The following HCN1 variants were observed in gnomAD, a reference collection of about 807,000 sequenced individuals.
HCN1 encodes the protein potassium/sodium hyperpolarization-activated cyclic nucleotide-gated channel 1.
In HCN1, 13 loss-of-function variants were observed where a neutral mutation model predicts 78.9. The ratio of observed to expected loss-of-function variants is 0.16; its 90% CI spans 0.11 to 0.26. The LOEUF is 0.26. HCN1 is among the 10% of genes least tolerant of loss of function. HCN1 has a pLI of 1.00. For synonymous variants in HCN1, 552 were observed against 455.5 expected (o/e 1.21, Z -2.70); for missense variants, 810 against 1,154.3 (o/e 0.70, Z 4.32).
At chr5:45,325,347 C>T (rs1746215176) in intron 5 of HCN1, among the ~76,000 whole-genome samples, 1 of 151,560 alleles carries the variant, frequency 6.6e-6, no homozygotes, top group Admixed American at 6.6e-5. Flanking sequence ...AACCAAGTCT[C>T]CTAGATTAAC....
chr5:45,641,173 A>C (rs898238487), intron 2 of HCN1, among the ~76,000 whole-genome samples: 1 of 152,168 alleles, frequency 6.6e-6, no homozygotes, highest in Non-Finnish European at 1.5e-5. Flanking sequence ...TTAAAAATAT[A>C]AAAGTAATTA....
chr5:45,339,529 C>T (rs576218713), intron 5 of HCN1, among the ~76,000 whole-genome samples: 1 of 152,236 alleles, frequency 6.6e-6, no homozygotes, highest in Admixed American at 6.5e-5. Flanking sequence ...TGAAGAGCCT[C>T]TGTGTCATAT....
intron 4 of HCN1, among the ~76,000 whole-genome samples, chr5:45,385,696 G>C (rs1362200015): frequency 6.6e-6 from 1 of 152,108 alleles, no homozygotes; most frequent in Non-Finnish European, 1.5e-5. Context: ...TTTAAAAACT[G>C]GGTGAAAAAT....
chr5:45,377,390 C>A (rs965850619), intron 4 of HCN1, among the ~76,000 whole-genome samples: 3 of 151,850 alleles, frequency 2.0e-5, no homozygotes, highest in Non-Finnish European at 4.4e-5. Context: ...TATTAATAAT[C>A]AAAACAAATG....
At chr5:45,588,186 C>A (rs1412402493) in intron 2 of HCN1, among the ~76,000 whole-genome samples, 1 of 151,826 alleles carries the variant, frequency 6.6e-6, no homozygotes, top group Non-Finnish European at 1.5e-5. Flanking sequence ...ATATATAATC[C>A]CCTATAGATA....
At chr5:45,513,674 A>G (rs1313964398) in intron 2 of HCN1, among the ~76,000 whole-genome samples, 3 of 152,164 alleles carry the variant, frequency 2.0e-5, no homozygotes, top group African/African-American at 7.2e-5. Flanking sequence ...TCTAGGTTGC[A>G]CGTTACCCTT....
At chr5:45,580,347 G>T (rs952631716) in intron 2 of HCN1, among the ~76,000 whole-genome samples, 1 of 152,002 alleles carries the variant, frequency 6.6e-6, no homozygotes, top group African/African-American at 2.4e-5. Context: ...AAAGTGAGGA[G>T]AATTTAAATT....
chr5:45,384,819 C>T (rs777196120), intron 4 of HCN1, among the ~76,000 whole-genome samples: 1 of 152,096 alleles, frequency 6.6e-6, no homozygotes, highest in Non-Finnish European at 1.5e-5. Flanking sequence ...AAGAATGCTG[C>T]TTTGTATCTT....
At chr5:45,527,628 T>G (rs1478188452) in intron 2 of HCN1, among the ~76,000 whole-genome samples, 1 of 151,626 alleles carries the variant, frequency 6.6e-6, no homozygotes, top group Non-Finnish European at 1.5e-5. Context: ...TCTCTCTCTC[T>G]GTCTCTCTCT....
chr5:45,409,722 G>C (rs1739990231), intron 3 of HCN1, among the ~76,000 whole-genome samples: 2 of 151,878 alleles, frequency 1.3e-5, no homozygotes, highest in Admixed American at 6.6e-5. Context: ...TTTTATGGTA[G>C]ACTGACTTTT....
At chr5:45,473,776 T>A (rs1038196437) in intron 2 of HCN1, among the ~76,000 whole-genome samples, 8 of 151,840 alleles carry the variant, frequency 5.3e-5, no homozygotes, top group African/African-American at 1.9e-4. Flanking sequence ...CACTGAAAAG[T>A]TACCTACATC....
At chr5:45,345,655 C>A (rs954044091) in intron 5 of HCN1, among the ~76,000 whole-genome samples, 2 of 152,174 alleles carry the variant, frequency 1.3e-5, no homozygotes, top group Non-Finnish European at 2.9e-5. Context: ...CTAACAAGAT[C>A]CTCATCTCCA....
chr5:45,569,311 TC>T (rs1222980949), intron 2 of HCN1, among the ~76,000 whole-genome samples: 1 of 152,182 alleles, frequency 6.6e-6, no homozygotes, highest in Non-Finnish European at 1.5e-5. Flanking sequence ...AAAGGAATTG[TC>T]CATGAACCTT....
intron 2 of HCN1, among the ~76,000 whole-genome samples, chr5:45,569,369 A>G (rs1252296573): frequency 6.6e-6 from 1 of 152,210 alleles, no homozygotes; most frequent in Non-Finnish European, 1.5e-5. Flanking sequence ...TAAATGTAAT[A>G]TTAAAGGTTT....
At chr5:45,319,070 C>T (rs1408082413) in intron 5 of HCN1, among the ~76,000 whole-genome samples, 2 of 152,054 alleles carry the variant, frequency 1.3e-5, no homozygotes, top group East Asian at 3.9e-4. Flanking sequence ...GGTTATACTA[C>T]AATTTATTTA....
intron 2 of HCN1, among the ~76,000 whole-genome samples, chr5:45,471,635 C>T (rs1232437956): frequency 6.6e-6 from 1 of 152,002 alleles, no homozygotes; most frequent in South Asian, 2.1e-4. Flanking sequence ...TATCTTATCC[C>T]TCCTGCTGAA....
intron 3 of HCN1, among the ~76,000 whole-genome samples, chr5:45,443,599 A>C (rs1740727290): frequency 6.6e-6 from 1 of 152,074 alleles, no homozygotes; most frequent in South Asian, 2.1e-4. Context: ...ATTTTCCATA[A>C]GTTTTTTGCA....
chr5:45,497,874 G>T (rs892251510), intron 2 of HCN1, among the ~76,000 whole-genome samples: 5 of 152,096 alleles, frequency 3.3e-5, no homozygotes, highest in African/African-American at 4.8e-5. Context: ...TGAAATTCTG[G>T]GTTGAAAATT....
intron 3 of HCN1, among the ~76,000 whole-genome samples, chr5:45,420,471 T>C (rs1186265918): frequency 6.6e-6 from 1 of 152,180 alleles, no homozygotes; most frequent in Non-Finnish European, 1.5e-5. Context: ...GTGCTTTTTC[T>C]GCCCTCTGTC....
Sources: allele counts gnomAD v4.1 joint callset (sites outside exome capture counted in the v4.1 genomes callset), GRCh38; gene constraint gnomAD v4.1.1; transcripts MANE v1.5; gene names NCBI Gene and HGNC (gene_info 2026-07-23, HGNC 2026-07-21).